The following ANKFN1 variants were observed in gnomAD, a reference collection of about 807,000 sequenced individuals.
ANKFN1 encodes the protein ankyrin repeat and fibronectin type-III domain-containing protein 1.
Under a neutral mutation model 108.7 loss-of-function variants are expected in ANKFN1, and 74 were observed. That is an observed-to-expected ratio of 0.68 (90% CI 0.56 to 0.83). The LOEUF (loss-of-function observed/expected upper bound fraction) is 0.83, where lower values mean the gene tolerates loss of function less well. Ranked by LOEUF, ANKFN1 falls within the 40% of genes least tolerant of loss-of-function variation. The pLI, the probability that ANKFN1 is intolerant of heterozygous loss-of-function variation, is 0.00. For missense variants in ANKFN1, 1,505 were observed against 1,382.3 expected, an observed-to-expected ratio of 1.09 and a Z score of -1.41; for synonymous variants, 547 against 516.2, an observed-to-expected ratio of 1.06 and a Z score of -0.81.
At chr17:56,309,028 A>G (rs961164319) in intron 3 of ANKFN1, among the ~76,000 whole-genome samples, 2 of 152,074 alleles carry the variant, frequency 1.3e-5, no homozygotes, top group Non-Finnish European at 2.9e-5. Flanking sequence ...CTTTTTTGGC[A>G]CTGTCTTTAT....
intron 3 of ANKFN1, among the ~76,000 whole-genome samples, chr17:56,240,351 C>A (rs1282194706): frequency 6.6e-6 from 1 of 152,040 alleles, no homozygotes; most frequent in African/African-American, 2.4e-5. Flanking sequence ...TGAGATTTAT[C>A]CAACTGAACA....
chr17:56,486,126 A>G (rs1051760133), intron 18 of ANKFN1, among the ~76,000 whole-genome samples: 3 of 152,194 alleles, frequency 2.0e-5, no homozygotes, highest in Non-Finnish European at 2.9e-5. Context: ...ACTTTCTTTC[A>G]TCTATGAAAA....
At chr17:56,441,243 C>A (rs757564493) in intron 9 of ANKFN1, among the ~76,000 whole-genome samples, 7 of 151,816 alleles carry the variant, frequency 4.6e-5, no homozygotes, top group Admixed American at 3.3e-4. Flanking sequence ...ATCTTAGGAC[C>A]TTCAGATGAG....
chr17:56,282,726 T>C (rs1033195646), intron 3 of ANKFN1, among the ~76,000 whole-genome samples: 3 of 152,170 alleles, frequency 2.0e-5, no homozygotes, highest in African/African-American at 7.2e-5. Flanking sequence ...ACTAGGACTT[T>C]TTTTTTTGAA....
At chr17:56,449,817 T>G (rs2049422523) in intron 11 of ANKFN1, among the ~76,000 whole-genome samples, 1 of 152,204 alleles carries the variant, frequency 6.6e-6, no homozygotes, top group Admixed American at 6.5e-5. Context: ...ACATCAGGAC[T>G]GGGCACTGAA....
intron 1 of ANKFN1, among the ~76,000 whole-genome samples, chr17:56,194,246 G>T (rs1331340128): frequency 6.6e-6 from 1 of 152,128 alleles, no homozygotes; most frequent in Non-Finnish European, 1.5e-5. Context: ...GTACTACCCA[G>T]CAATCACACT....
chr17:56,131,221 CA>C (rs1907261741), intron 4 of ANKFN1, among the ~76,000 whole-genome samples: 2 of 152,116 alleles, frequency 1.3e-5, no homozygotes, highest in African/African-American at 4.8e-5. Context: ...TAGTGATTCC[CA>C]ATACACCATC....
intron 2 of ANKFN1, among the ~76,000 whole-genome samples, chr17:56,215,067 C>T (rs917880525): frequency 5.9e-5 from 9 of 152,322 alleles, no homozygotes; most frequent in African/African-American, 1.9e-4. Context: ...CTGCATGATG[C>T]TTATGTTCAC....
chr17:56,063,481 C>T (rs774046848), intron 4 of ANKFN1, among the ~76,000 whole-genome samples: 3 of 151,218 alleles, frequency 2.0e-5, no homozygotes, highest in Non-Finnish European at 4.4e-5. Context: ...TGTCTGTATG[C>T]CTTATTTCAG....
At chr17:56,450,805 A>G (rs967436536) in intron 11 of ANKFN1, among the ~76,000 whole-genome samples, 2 of 152,212 alleles carry the variant, frequency 1.3e-5, no homozygotes, top group Non-Finnish European at 2.9e-5. Context: ...ACTCATGAGA[A>G]TGAGAGATTT....
rs886451197 is a variant in ANKFN1 at position 56,516,953 on chromosome 17, C to T, written c.*5684C>T. 1.3e-5 allele frequency among the ~76,000 whole-genome samples: 2 copies of T among 152,008 alleles called. No homozygotes were observed. Among genetic ancestry groups the T allele is most frequent in the Non-Finnish European group, 2.9e-5 (2 of 67,998 alleles). ...TTTTTTGCTGTTTAAGGGACAGTTT[C>T]CAAGCCCATTTGTCTTAAGTGTGGA... On this transcript the variant is annotated 3_prime_UTR_variant, in exon 21 of 21. Transcript: ENST00000682825.
At chr17:56,439,874 C>A (rs1055677929) in intron 8 of ANKFN1, among the ~76,000 whole-genome samples, 1 of 152,046 alleles carries the variant, frequency 6.6e-6, no homozygotes, top group Admixed American at 6.6e-5. Flanking sequence ...AATAAGTTAT[C>A]TACTATATAG....
chr17:56,422,320 T>C (rs2048429860), intron 8 of ANKFN1, among the ~76,000 whole-genome samples: 1 of 145,296 alleles, frequency 6.9e-6, no homozygotes, highest in Admixed American at 6.9e-5. Flanking sequence ...CCTAGCCTTA[T>C]TGGACCATGT....
chr17:56,177,280 AG>A (rs1441849706), intron 1 of ANKFN1, among the ~76,000 whole-genome samples: 1 of 152,218 alleles, frequency 6.6e-6, no homozygotes, highest in African/African-American at 2.4e-5. Context: ...TCCATGTTTA[AG>A]GGGGTGCAGC....
chr17:56,214,135 T>C (rs372609486), intron 2 of ANKFN1, among the ~76,000 whole-genome samples: 1 of 152,372 alleles, frequency 6.6e-6, no homozygotes, highest in East Asian at 1.9e-4. Flanking sequence ...CCTGTATTTA[T>C]TAAGAGAATA....
chr17:56,509,893 C>T (rs1262644969), intron 20 of ANKFN1, among the ~76,000 whole-genome samples: 1 of 152,152 alleles, frequency 6.6e-6, no homozygotes. Context: ...TAACTGTAAC[C>T]TGGTTAGAAT....
intron 8 of ANKFN1, among the ~76,000 whole-genome samples, chr17:56,400,191 C>T (rs1208890548): frequency 6.6e-6 from 1 of 152,046 alleles, no homozygotes; most frequent in Non-Finnish European, 1.5e-5. Context: ...TACTAGTTTA[C>T]ATTCCCATCA....
rs2051279788 is a variant in ANKFN1, at chr17:56,498,780, G to C, written c.2428-102G>C. ...TAAAAATATTTTACTCTTGCTCAAA[G>C]CCAATATTGCGGAAAATGGATCATC... On this transcript the variant is annotated intron_variant, in intron 19 of 20. Transcript: ENST00000682825. 5.5e-6 allele frequency: 5 copies of C among 904,906 alleles called. No homozygotes were observed. The East Asian group carries it at 1.3e-4, about 24-fold the overall frequency. The allele number at this position is 904,906 out of a possible 1,614,324, so 56.1% of individuals were successfully genotyped here.
intron 11 of ANKFN1, among the ~76,000 whole-genome samples, chr17:56,453,617 C>T (rs530343780): frequency 6.6e-5 from 10 of 152,260 alleles, no homozygotes; most frequent in South Asian, 2.1e-4. Flanking sequence ...CTCTTCTTAT[C>T]GCTCTCCAAT....
Sources: allele counts gnomAD v4.1 joint callset (sites outside exome capture counted in the v4.1 genomes callset), GRCh38; gene constraint gnomAD v4.1.1; transcripts MANE v1.5; gene names NCBI Gene and HGNC (gene_info 2026-07-23, HGNC 2026-07-21).